Variants in RPS6KA2 observed in about 807,000 individuals in gnomAD.
RPS6KA2 encodes the protein ribosomal protein S6 kinase alpha-2.
RPS6KA2 carries 42 observed loss-of-function variants against 91.8 expected under a neutral mutation model. The observed-to-expected ratio is 0.46, with a 90% CI of 0.36 to 0.59. The LOEUF is 0.59. Ranked by LOEUF, RPS6KA2 falls within the 20% of genes least tolerant of loss-of-function variation. The probability of loss-of-function intolerance (pLI) is 0.00; values close to 1 mark genes in which losing one functional copy is unlikely to be tolerated. For missense variants in RPS6KA2, 798 were observed against 978.5 expected (o/e 0.82, Z 2.46); for synonymous variants, 414 against 393.6 (o/e 1.05, Z -0.61).
chr6:166,817,981 C>T (rs973421582), intron 2 of RPS6KA2, among the ~76,000 whole-genome samples: 4 of 152,070 alleles, frequency 2.6e-5, no homozygotes, highest in Non-Finnish European at 5.9e-5. Flanking sequence ...CCTCGGCCTC[C>T]CAAAGTGATA....
upstream of RPS6KA2, among the ~76,000 whole-genome samples, chr6:166,628,454 T>C (rs1201297027): frequency 6.6e-6 from 1 of 152,234 alleles, no homozygotes; most frequent in Non-Finnish European, 1.5e-5. Context: ...AATCCTCGCG[T>C]TGTTTTGCTC....
At chr6:166,625,830 C>T (rs1786852362) in intron 1 of RPS6KA2, among the ~76,000 whole-genome samples, 1 of 152,192 alleles carries the variant, frequency 6.6e-6, no homozygotes, top group South Asian at 2.1e-4. Flanking sequence ...TCTAGTACTT[C>T]CAATTCTGAT....
chr6:166,623,724 C>G lies in RPS6KA2; in HGVS notation c.99+3197G>C, dbSNP rs545832446. ...AGCTCTCTTGGGGATGAGGGTCTTGCGGTCACTGAGACCTGACACCTTTCT... is the reference window on the plus strand; with the variant it reads ...AGCTCTCTTGGGGATGAGGGTCTTGGGGTCACTGAGACCTGACACCTTTCT... On this transcript the variant is annotated intron_variant, in intron 1 of 20. Transcript: ENST00000265678. Among the ~76,000 whole-genome samples the G allele has an allele frequency of 3.3e-5, 5 of 152,286 alleles. No individual in the cohort carries two copies. In the South Asian group the frequency reaches 1.0e-3, roughly 32 times the overall value.
chr6:166,524,245 G>A (rs765407002), intron 3 of RPS6KA2, among the ~76,000 whole-genome samples: 21 of 152,122 alleles, frequency 1.4e-4, no homozygotes, highest in Admixed American at 5.2e-4. Flanking sequence ...TCTCCTCTAG[G>A]CTGAGAAAGT....
chr6:166,447,752 C>G (rs1377651266), intron 14 of RPS6KA2, among the ~76,000 whole-genome samples: 2 of 152,116 alleles, frequency 1.3e-5, no homozygotes, highest in African/African-American at 4.8e-5. Flanking sequence ...ACACGACTTG[C>G]TGGCTGGGCA....
Position 166,639,940 on chromosome 6 carries a change from G to C in RPS6KA2, c.124-101156C>G, listed in dbSNP as rs143719390. 2.2e-4 allele frequency among the ~76,000 whole-genome samples: 33 copies of C among 152,360 alleles called. No homozygotes were observed. Among genetic ancestry groups the C allele is most frequent in the Non-Finnish European group, 4.1e-4 (28 of 68,038 alleles). ...AGCAAGTGTCCGTAGCGTTCCATGCGTGTGTGTAAACAGACGTTACTAGGA... is the reference window on the plus strand; with the variant it reads ...AGCAAGTGTCCGTAGCGTTCCATGCCTGTGTGTAAACAGACGTTACTAGGA... On this transcript the variant is annotated intron_variant, in intron 2 of 21. Coordinates refer to the RPS6KA2 transcript ENST00000503859. The surrounding 1 kb of genome is among the most constrained non-coding windows in gnomAD (Gnocchi z 4.2).
chr6:166,788,741 G>A (rs1234420819), intron 2 of RPS6KA2, among the ~76,000 whole-genome samples: 1 of 152,132 alleles, frequency 6.6e-6, no homozygotes, highest in East Asian at 1.9e-4. Flanking sequence ...TGCATGTGGG[G>A]CTTAAAACCT....
chr6:166,657,208 A>G (rs184204007), intron 2 of RPS6KA2, among the ~76,000 whole-genome samples: 3 of 152,246 alleles, frequency 2.0e-5, no homozygotes, highest in African/African-American at 7.2e-5. Context: ...GGGCGAGGGC[A>G]TTTCTTTCTG....
Position 166,570,267 on chromosome 6 carries a change from T to C in RPS6KA2, c.100-31483A>G, listed in dbSNP as rs146101807. On this transcript the variant is annotated intron_variant, in intron 1 of 20. Coordinates refer to ENST00000265678, the MANE Select transcript of RPS6KA2 (RefSeq NM_021135.6). The stretch of plus-strand genomic sequence containing the variant: ...ACTGAAAAATGGCAGCACCCCGGTA[T>C]GGAGAAACATGGGCAGTCACCGCCT... 4.8e-3 allele frequency among the ~76,000 whole-genome samples: 737 copies of C among 152,186 alleles called. 2 individuals are homozygous for C. Among genetic ancestry groups the C allele is most frequent in the Non-Finnish European group, 7.6e-3 (520 of 67,988 alleles).
At chr6:166,484,005 C>T (rs894440576) in intron 10 of RPS6KA2, among the ~76,000 whole-genome samples, 6 of 152,206 alleles carry the variant, frequency 3.9e-5, no homozygotes, top group Admixed American at 6.5e-5. Context: ...AACAGCATGA[C>T]GTCCATGTCC....
chr6:166,627,197 C>A lies in RPS6KA2; in HGVS notation c.-178G>T. The A allele has an allele frequency of 9.6e-7, 1 of 1,043,806 alleles. No individual in the cohort carries two copies. Among genetic ancestry groups the A allele is most frequent in the Non-Finnish European group, 1.2e-6 (1 of 869,218 alleles). 64.7% of individuals were successfully genotyped at this position (1,043,806 alleles called of 1,614,324 possible). A position where few individuals can be genotyped will look rare whatever the true frequency, so the allele number is the denominator to read the frequency against. Reference sequence around the variant, plus strand: ...ACAAAGGGCAGGCCGCGCCGGCCACCGCGGCCGGGGCCACAATCGCTCCCT... The same window carrying A: ...ACAAAGGGCAGGCCGCGCCGGCCACAGCGGCCGGGGCCACAATCGCTCCCT... On this transcript the variant is annotated 5_prime_UTR_variant, in exon 1 of 21. Transcript: ENST00000265678.
chr6:166,665,874 C>G lies in RPS6KA2; in HGVS notation c.124-127090G>C, dbSNP rs953313984. On this transcript the variant is annotated intron_variant, in intron 2 of 21. Transcript: ENST00000503859. This position sits in a 1 kb window ranked among gnomAD's most constrained non-coding sequence, Gnocchi z 4.5. ...GAAGAAGGTGCAGCTCTGCTCAGCACGGCCCCCAGCCTGCTTCCTGGGCAG... is the reference window on the plus strand; with the variant it reads ...GAAGAAGGTGCAGCTCTGCTCAGCAGGGCCCCCAGCCTGCTTCCTGGGCAG... 4.6e-5 allele frequency among the ~76,000 whole-genome samples: 7 copies of G among 152,180 alleles called. No individual in the cohort carries two copies. The highest frequency in any genetic ancestry group is 1.4e-4 in the African/African-American group (6 of 41,432).
At chr6:166,634,200 G>C (rs1001835221) in intron 2 of RPS6KA2, among the ~76,000 whole-genome samples, 1 of 152,210 alleles carries the variant, frequency 6.6e-6, no homozygotes, top group African/African-American at 2.4e-5. Flanking sequence ...ATTCGGGGAG[G>C]TGCCCCTGTG....
intron 1 of RPS6KA2, among the ~76,000 whole-genome samples, chr6:166,577,311 C>T (rs1784865566): frequency 6.6e-6 from 1 of 152,170 alleles, no homozygotes; most frequent in African/African-American, 2.4e-5. Flanking sequence ...CACCATCCTC[C>T]AGACCCCAGA....
In RPS6KA2 at chr6:166,420,011, T is replaced by G. The variant is rs530292912; in HGVS notation, c.1744-53A>C. ...CGCCCTTCACTAAGGACATTCAGAT[T>G]GACAGCACGTTTCTCCAGCGGCATC... On this transcript the variant is annotated intron_variant, in intron 17 of 20. Transcript: ENST00000265678. The G allele has an allele frequency of 1.0e-4, 153 of 1,532,838 alleles. 3 individuals are homozygous for G. In the South Asian group the frequency reaches 1.6e-3, roughly 16 times the overall value. The allele number at this position is 1,532,838 out of a possible 1,614,324, so 95.0% of individuals were successfully genotyped here.
Position 166,648,993 on chromosome 6 carries a change from G to A in RPS6KA2, c.124-110209C>T, listed in dbSNP as rs967807164. Reference sequence around the variant, plus strand: ...GGCTCCTTCCTTCGCCCCTCCTCCAGTCTAGTCAATATGTTACCAAAGCAT... The same window carrying A: ...GGCTCCTTCCTTCGCCCCTCCTCCAATCTAGTCAATATGTTACCAAAGCAT... On this transcript the variant is annotated intron_variant, in intron 2 of 21. Transcript: ENST00000503859. The surrounding 1 kb of genome is among the most constrained non-coding windows in gnomAD (Gnocchi z 4.8). 5.9e-5 allele frequency among the ~76,000 whole-genome samples: 9 copies of A among 152,114 alleles called. No homozygotes were observed. Among genetic ancestry groups the A allele is most frequent in the Non-Finnish European group, 7.4e-5 (5 of 68,026 alleles).
At chr6:166,711,552 G>C (rs1287984706) in intron 2 of RPS6KA2, among the ~76,000 whole-genome samples, 2 of 151,788 alleles carry the variant, frequency 1.3e-5, no homozygotes, top group Non-Finnish European at 2.9e-5. Context: ...TAAGGAATGG[G>C]AGATATAAAG....
chr6:166,439,307 C>A (rs971278850), intron 14 of RPS6KA2, among the ~76,000 whole-genome samples: 1 of 152,186 alleles, frequency 6.6e-6, no homozygotes, highest in Non-Finnish European at 1.5e-5. Context: ...GGGGCTTCGC[C>A]ATGTTGGCCA....
intron 1 of RPS6KA2, among the ~76,000 whole-genome samples, chr6:166,619,486 A>G (rs1786545539): frequency 6.6e-6 from 1 of 152,272 alleles, no homozygotes; most frequent in Non-Finnish European, 1.5e-5. Context: ...TTGCAAGCAT[A>G]GTGTAGAACG....
Sources: allele counts gnomAD v4.1 joint callset (sites outside exome capture counted in the v4.1 genomes callset), GRCh38; gene constraint gnomAD v4.1.1; non-coding constraint Gnocchi (gnomAD v3.1); transcripts MANE v1.5; gene names NCBI Gene and HGNC (gene_info 2026-07-23, HGNC 2026-07-21).